Variants in SLC8A1 observed in about 807,000 individuals in gnomAD.
The protein encoded by SLC8A1 is sodium/calcium exchanger 1.
In SLC8A1, 18 loss-of-function variants were observed where a neutral mutation model predicts 68.3. The ratio of observed to expected loss-of-function variants is 0.26; its 90% CI spans 0.18 to 0.39. The LOEUF (loss-of-function observed/expected upper bound fraction) is 0.39, where lower values mean the gene tolerates loss of function less well. Ranked by LOEUF, SLC8A1 falls within the 10% of genes least tolerant of loss-of-function variation. SLC8A1 has a pLI of 1.00. For synonymous variants in SLC8A1, 475 were observed against 415.5 expected (o/e 1.14, Z -1.74); for missense variants, 985 against 1,156.7 (o/e 0.85, Z 2.15).
chr2:40,104,919 A>G (rs754036727), exon 8 of SLC8A1: 1 of 151,760 alleles, frequency 6.6e-6, no homozygotes, highest in Non-Finnish European at 1.5e-5. Context: ...GTAATTATCC[A>G]GTTGATATTT....
At chr2:40,348,974 G>A (rs961022691) in intron 2 of SLC8A1, among the ~76,000 whole-genome samples, 1 of 152,138 alleles carries the variant, frequency 6.6e-6, no homozygotes, top group African/African-American at 2.4e-5. Flanking sequence ...ATTTCGTGGT[G>A]CCATGGGCTT....
chr2:40,409,432 G>A (rs1404819269), intron 2 of SLC8A1, among the ~76,000 whole-genome samples: 1 of 152,126 alleles, frequency 6.6e-6, no homozygotes, highest in Non-Finnish European at 1.5e-5. Context: ...ATTGTCCAGA[G>A]CAAGCTTCTG....
At chr2:40,450,346 A>T (rs944106940) in intron 1 of SLC8A1, among the ~76,000 whole-genome samples, 1 of 125,818 alleles carries the variant, frequency 7.9e-6, no homozygotes, top group African/African-American at 2.5e-5. Context: ...AAGAGAAAGC[A>T]TGTGAGTGTG....
intron 2 of SLC8A1, among the ~76,000 whole-genome samples, chr2:40,192,768 T>C (rs1045975374): frequency 3.9e-5 from 6 of 152,280 alleles, no homozygotes; most frequent in African/African-American, 1.2e-4. Flanking sequence ...TTTGAGTTTG[T>C]AGAATCATCA....
chr2:40,372,938 G>C (rs927779351), intron 2 of SLC8A1, among the ~76,000 whole-genome samples: 1 of 151,910 alleles, frequency 6.6e-6, no homozygotes, highest in Non-Finnish European at 1.5e-5. Context: ...ATCAAGAGAG[G>C]TATTATGGGA....
At chr2:40,288,859 A>ATATATATATATATATATATGTATG (rs2068777922) in intron 2 of SLC8A1, among the ~76,000 whole-genome samples, 1 of 132,090 alleles carries the variant, frequency 7.6e-6, no homozygotes, top group African/African-American at 3.1e-5. Flanking sequence ...ATATGTATAT[A>ATATATATATATATATATATGTATG]TATGATTTTT....
Position 40,097,962 on chromosome 2 carries a change from T to C in SLC8A1, c.*17291A>G, listed in dbSNP as rs2033673015. 2.0e-5 allele frequency: 3 copies of C among 150,540 alleles called. No individual in the cohort carries two copies. The South Asian group carries it at 6.3e-4, about 32-fold the overall frequency. The allele number at this position is 150,540 out of a possible 1,614,324, so 9.3% of individuals were successfully genotyped here. A position where few individuals can be genotyped will look rare whatever the true frequency, so the allele number is the denominator to read the frequency against. On this transcript the variant is annotated 3_prime_UTR_variant, in exon 8 of 8. Coordinates refer to ENST00000406785, the Ensembl canonical transcript of SLC8A1. ...TGGTGCTATACAAACATCACAAATA[T>C]TTGGTGTCTGAGTCTTAACAAATAT...
chr2:40,110,894 C>A (rs1250190777), exon 8 of SLC8A1: 1 of 152,134 alleles, frequency 6.6e-6, no homozygotes, highest in Non-Finnish European at 1.5e-5. Context: ...TTTCTAATTG[C>A]TTCCACAAAG....
chr2:40,292,001 T>A (rs953541851), intron 2 of SLC8A1, among the ~76,000 whole-genome samples: 4 of 151,782 alleles, frequency 2.6e-5, no homozygotes, highest in African/African-American at 9.7e-5. Flanking sequence ...AGATCTAACA[T>A]CATATTAACT....
exon 8 of SLC8A1, chr2:40,104,589 G>T (rs2034084212): frequency 6.6e-6 from 1 of 152,130 alleles, no homozygotes; most frequent in Non-Finnish European, 1.5e-5. Flanking sequence ...AAAATGGAAG[G>T]TTAATTTAAT....
chr2:40,358,442 T>C (rs1673451545), intron 2 of SLC8A1, among the ~76,000 whole-genome samples: 1 of 152,178 alleles, frequency 6.6e-6, no homozygotes, highest in South Asian at 2.1e-4. Flanking sequence ...GCAGTGAATA[T>C]ATCAGAAATC....
At chr2:40,113,253 TTTA>T (rs2125060089) in exon 8 of SLC8A1, 1 of 152,818 alleles carries the variant, frequency 6.5e-6, no homozygotes, top group South Asian at 2.1e-4. Flanking sequence ...ACAGCTTTAA[TTTA>T]TTAAGTATTT....
intron 2 of SLC8A1, among the ~76,000 whole-genome samples, chr2:40,348,620 G>C (rs1360792261): frequency 6.6e-6 from 1 of 152,178 alleles, no homozygotes; most frequent in African/African-American, 2.4e-5. Context: ...GCCAGGGTTG[G>C]CTGTGTTCTC....
At chr2:40,242,949 A>G (rs1323850809) in intron 2 of SLC8A1, among the ~76,000 whole-genome samples, 1 of 137,566 alleles carries the variant, frequency 7.3e-6, no homozygotes, top group African/African-American at 3.3e-5. Context: ...CATAGTTATT[A>G]AGATTATTTT....
chr2:40,385,819 T>C (rs1683374662), intron 2 of SLC8A1, among the ~76,000 whole-genome samples: 1 of 151,302 alleles, frequency 6.6e-6, no homozygotes, highest in Non-Finnish European at 1.5e-5. Context: ...CAATGGTTTT[T>C]AAAATTAAAA....
intron 2 of SLC8A1, among the ~76,000 whole-genome samples, chr2:40,276,718 T>G (rs2066744569): frequency 6.6e-6 from 1 of 152,242 alleles, no homozygotes; most frequent in African/African-American, 2.4e-5. Flanking sequence ...CTTTAATCTT[T>G]CAAAATACAT....
intron 6 of SLC8A1, among the ~76,000 whole-genome samples, chr2:40,148,993 C>T (rs1342171051): frequency 6.6e-6 from 1 of 152,178 alleles, no homozygotes; most frequent in African/African-American, 2.4e-5. Flanking sequence ...TGATGTTTTT[C>T]TTCAATATCA....
chr2:40,202,032 G>C (rs2054470960), intron 2 of SLC8A1, among the ~76,000 whole-genome samples: 1 of 151,976 alleles, frequency 6.6e-6, no homozygotes, highest in Non-Finnish European at 1.5e-5. Context: ...ATGCTGGTGT[G>C]TGTACACGTG....
intron 2 of SLC8A1, among the ~76,000 whole-genome samples, chr2:40,290,345 T>C (rs1043220487): frequency 2.6e-5 from 4 of 152,184 alleles, no homozygotes; most frequent in Non-Finnish European, 4.4e-5. Flanking sequence ...TTGACCCATA[T>C]ATAGCACTGA....
Sources: gnomAD v4.1 joint callset for allele counts (sites outside exome capture counted in the v4.1 genomes callset) on GRCh38, gnomAD v4.1.1 for gene constraint, MANE v1.5 for transcripts, NCBI Gene and HGNC (gene_info 2026-07-23, HGNC 2026-07-21) for gene names.